CNTN6: variants seen among roughly 807,000 people sequenced by gnomAD.
The protein encoded by CNTN6 is contactin-6.
A neutral mutation model predicts 122.8 loss-of-function variants in CNTN6; 137 were observed. The ratio of observed to expected loss-of-function variants is 1.12; its 90% CI spans 0.97 to 1.29. CNTN6 has a LOEUF of 1.29. Ranked by LOEUF, CNTN6 falls within the 50% of genes most tolerant of loss-of-function variation. The probability of loss-of-function intolerance (pLI) is 0.00; values close to 1 mark genes in which losing one functional copy is unlikely to be tolerated. For synonymous variants in CNTN6, 570 were observed against 426.0 expected (o/e 1.34, Z -4.16); for missense variants, 1,634 against 1,223.4 (o/e 1.34, Z -5.01).
At chr3:1,119,110 A>T (rs763889352) in intron 1 of CNTN6, among the ~76,000 whole-genome samples, 13 of 152,074 alleles carry the variant, frequency 8.5e-5, no homozygotes, top group Non-Finnish European at 1.6e-4. Flanking sequence ...AAAGTGTGCC[A>T]CAGGCTTTTT....
chr3:1,253,973 G>C (rs540332998), intron 4 of CNTN6, among the ~76,000 whole-genome samples: 9 of 152,116 alleles, frequency 5.9e-5, no homozygotes, highest in African/African-American at 2.2e-4. Flanking sequence ...ATGTCTCTGC[G>C]CACACACATA....
intron 5 of CNTN6, among the ~76,000 whole-genome samples, chr3:1,281,838 A>G (rs900011355): frequency 2.6e-5 from 4 of 152,218 alleles, no homozygotes; most frequent in Non-Finnish European, 2.9e-5. Flanking sequence ...TTCGGCAGCA[A>G]GGGAGAAATC....
chr3:1,384,732 T>C (rs186613490), intron 19 of CNTN6, among the ~76,000 whole-genome samples: 8 of 122,500 alleles, frequency 6.5e-5, no homozygotes, highest in South Asian at 4.8e-4. Context: ...TATACACACA[T>C]ATATATACAT....
intron 11 of CNTN6, among the ~76,000 whole-genome samples, chr3:1,341,476 G>A (rs1358812301): frequency 6.6e-6 from 1 of 152,170 alleles, no homozygotes; most frequent in East Asian, 1.9e-4. Flanking sequence ...TTTTGTTAAT[G>A]TTAAATTGTA....
chr3:1,317,684 G>A (rs532354164), intron 7 of CNTN6, among the ~76,000 whole-genome samples: 2 of 151,642 alleles, frequency 1.3e-5, no homozygotes, highest in Admixed American at 1.3e-4. Context: ...GAGCCATTCT[G>A]CAAGCAGTCC....
chr3:1,208,073 A>G (rs1000908107), intron 2 of CNTN6, among the ~76,000 whole-genome samples: 2 of 152,046 alleles, frequency 1.3e-5, no homozygotes, highest in Non-Finnish European at 2.9e-5. Flanking sequence ...ACAATGCCCA[A>G]TTATCTCAGT....
intron 7 of CNTN6, among the ~76,000 whole-genome samples, chr3:1,300,527 TAAAG>T (rs58573406): frequency 0.1 from 8,390 of 81,458 alleles, 921 homozygotes; most frequent in African/African-American, 0.33. Flanking sequence ...GAAAGAAAGA[TAAAG>T]AAAGAGAGAG....
chr3:1,132,081 T>C (rs1313883798), intron 1 of CNTN6, among the ~76,000 whole-genome samples: 1 of 152,168 alleles, frequency 6.6e-6, no homozygotes, highest in Non-Finnish European at 1.5e-5. Context: ...AGTTTATTTA[T>C]ATGCGTACAT....
intron 4 of CNTN6, among the ~76,000 whole-genome samples, chr3:1,261,595 TCAGG>T (rs1559640990): frequency 6.6e-6 from 1 of 152,112 alleles, no homozygotes; most frequent in African/African-American, 2.4e-5. Flanking sequence ...CAGAGCATTC[TCAGG>T]CAGAGCAACC....
At position 1,335,536 on chromosome 3, in the gene CNTN6, T is replaced by G. The variant is rs1161190637; in HGVS notation, c.1364+5601T>G. ...TGCCCAGTGACTGCTGTCTACCTAT[T>G]CAGGAATCACCTCCTGAATTTAATA... On this transcript the variant is annotated intron_variant, in intron 11 of 22. Coordinates refer to ENST00000446702, the MANE Select transcript of CNTN6 (RefSeq NM_001289080.2). Among the ~76,000 whole-genome samples, 3 of 152,110 alleles carry G rather than the reference T, an allele frequency of 2.0e-5. No homozygotes were observed. The East Asian group carries it at 5.8e-4, about 29-fold the overall frequency.
At chr3:1,156,295 A>G (rs1037319954) in intron 2 of CNTN6, among the ~76,000 whole-genome samples, 3 of 152,076 alleles carry the variant, frequency 2.0e-5, no homozygotes, top group African/African-American at 4.8e-5. Flanking sequence ...ATATTCTTCC[A>G]TTTTCTCCTG....
chr3:1,380,726 G>C (rs1417415299), intron 17 of CNTN6, among the ~76,000 whole-genome samples: 2 of 152,160 alleles, frequency 1.3e-5, no homozygotes, highest in African/African-American at 2.4e-5. Context: ...ATAGGTGTGG[G>C]TGTGTCTCAA....
intron 20 of CNTN6, among the ~76,000 whole-genome samples, chr3:1,396,456 C>T (rs574794832): frequency 6.6e-6 from 1 of 152,282 alleles, no homozygotes; most frequent in African/African-American, 2.4e-5. Flanking sequence ...GATCCCTGCT[C>T]AGCCATGTAC....
chr3:1,256,385 G>A (rs1353070735), intron 4 of CNTN6, among the ~76,000 whole-genome samples: 4 of 151,988 alleles, frequency 2.6e-5, no homozygotes, highest in African/African-American at 9.7e-5. Context: ...GCTATGAGGT[G>A]GGATGTGGGT....
intron 4 of CNTN6, among the ~76,000 whole-genome samples, chr3:1,276,892 GT>G (rs1692470008): frequency 1.3e-5 from 2 of 152,290 alleles, no homozygotes; most frequent in African/African-American, 4.8e-5. Context: ...CGGGTGAATG[GT>G]GGCTCTTTTG....
intron 6 of CNTN6, among the ~76,000 whole-genome samples, chr3:1,297,322 C>T (rs1175954693): frequency 1.3e-5 from 2 of 152,044 alleles, no homozygotes; most frequent in Non-Finnish European, 2.9e-5. Flanking sequence ...TGAGAATAGC[C>T]TACAGATATA....
chr3:1,358,119 G>A (rs1005483982), intron 12 of CNTN6, among the ~76,000 whole-genome samples: 3 of 151,388 alleles, frequency 2.0e-5, no homozygotes, highest in Non-Finnish European at 4.4e-5. Flanking sequence ...TTTTGTGTTT[G>A]GTGTCATTCA....
intron 4 of CNTN6, among the ~76,000 whole-genome samples, chr3:1,257,795 C>A (rs546614416): frequency 9.2e-5 from 14 of 152,292 alleles, no homozygotes; most frequent in Non-Finnish European, 1.8e-4. Context: ...TATTTCTCCT[C>A]TAGAGAAAGC....
intron 12 of CNTN6, among the ~76,000 whole-genome samples, chr3:1,365,752 C>G (rs929780919): frequency 6.6e-6 from 1 of 152,012 alleles, no homozygotes; most frequent in African/African-American, 2.4e-5. Context: ...TTTAGGAATT[C>G]TCAGAGCTTT....
Sources: gnomAD v4.1 joint callset for allele counts (sites outside exome capture counted in the v4.1 genomes callset) on GRCh38, gnomAD v4.1.1 for gene constraint, MANE v1.5 for transcripts, NCBI Gene and HGNC (gene_info 2026-07-23, HGNC 2026-07-21) for gene names.